PDGFRA: variants seen among roughly 807,000 people sequenced by gnomAD.
PDGFRA encodes the protein platelet-derived growth factor receptor alpha.
PDGFRA carries 25 observed loss-of-function variants against 121.5 expected under a neutral mutation model. The ratio of observed to expected loss-of-function variants is 0.21; its 90% confidence interval spans 0.15 to 0.29. The LOEUF is 0.29. PDGFRA is among the 10% of genes least tolerant of loss of function. The pLI is 1.00. For missense variants in PDGFRA, 1,008 were observed against 1,345.1 expected (o/e 0.75, Z 3.92); for synonymous variants, 463 against 494.8 (o/e 0.94, Z 0.85).
At chr4:54,269,164 G>C (rs142826312) in intron 7 of PDGFRA, among the ~76,000 whole-genome samples, 2 of 152,162 alleles carry the variant, frequency 1.3e-5, no homozygotes, top group East Asian at 3.9e-4. Flanking sequence ...GTGCCCCAGG[G>C]TACTCTCTTA....
At chr4:54,280,702 CTTTAAA>C in intron 16 of PDGFRA, 7 of 401,726 alleles carry the variant, frequency 1.7e-5, no homozygotes, top group Non-Finnish European at 3.1e-5. Context: ...ATTTTTTAAA[CTTTAAA>C]TTTAATAGTT....
At chr4:54,272,302 G>A (rs956265981) in intron 8 of PDGFRA, 92 bp from the exon 9 acceptor site, 14 of 1,400,122 alleles carry the variant, frequency 1.0e-5, no homozygotes, top group Non-Finnish European at 1.3e-5. Flanking sequence ...TGAATGCCAT[G>A]TAGATGAGTT....
Position 54,263,798 on chromosome 4 carries a change from G to A in PDGFRA, c.499G>A (p.Val167Met), listed in dbSNP as rs587778602. 5.3e-5 allele frequency: 86 copies of A among 1,614,058 alleles called. No individual in the cohort carries two copies. In the Admixed American group the frequency reaches 6.0e-4, roughly 11 times the overall value. ...TGTAACCTTACACAACAGTGAGGGG[G>A]TGGTACCTGCCTCCTACGACAGCAG... The part of the protein sequence containing the change: ...TPVTLHNSEG[V>M]VPASYDSRQG... Residue 167 changes from valine to methionine, a missense_variant, in exon 4 of 23, where the codon GTG becomes ATG. Physicochemically the swap from Val to Met is conservative, Grantham distance 21 (BLOSUM62 1). Around this residue, in one of 5 missense-constraint regions of PDGFRA, gnomAD observed 575 missense variants for 701.8 expected, o/e 0.82. Coordinates refer to ENST00000257290, the MANE Select transcript of PDGFRA (RefSeq NM_006206.6).
At chr4:54,249,691 C>T (rs972479254) in intron 1 of PDGFRA, among the ~76,000 whole-genome samples, 37 of 151,940 alleles carry the variant, frequency 2.4e-4, no homozygotes, top group Admixed American at 6.6e-4. Context: ...TGCTAAATGA[C>T]GAGTTAATGG....
intron 1 of PDGFRA, among the ~76,000 whole-genome samples, chr4:54,234,822 C>A (rs1409419252): frequency 6.6e-6 from 1 of 152,140 alleles, no homozygotes; most frequent in Non-Finnish European, 1.5e-5. Context: ...CATTAGGAGT[C>A]ACACCCGTTT....
intron 1 of PDGFRA, among the ~76,000 whole-genome samples, chr4:54,252,393 A>C (rs1392876816): frequency 6.6e-6 from 1 of 152,120 alleles, no homozygotes; most frequent in Non-Finnish European, 1.5e-5. Flanking sequence ...AACACTTATT[A>C]ATCTTCCAGA....
chr4:54,235,460 C>T (rs1249675831), intron 1 of PDGFRA, among the ~76,000 whole-genome samples: 1 of 152,258 alleles, frequency 6.6e-6, no homozygotes, highest in African/African-American at 2.4e-5. Context: ...AGAGTCATGT[C>T]CAATGGCTCT....
chr4:54,257,343 G>C (rs1405103256), intron 1 of PDGFRA, among the ~76,000 whole-genome samples: 1 of 152,212 alleles, frequency 6.6e-6, no homozygotes, highest in East Asian at 1.9e-4. Flanking sequence ...ATAACCATAA[G>C]TATACTCAGT....
At chr4:54,231,436 C>A (rs756047173) in intron 1 of PDGFRA, among the ~76,000 whole-genome samples, 3 of 152,264 alleles carry the variant, frequency 2.0e-5, no homozygotes, top group African/African-American at 7.2e-5. Flanking sequence ...CAGTGCATCT[C>A]ACCGGACAAA....
intron 22 of PDGFRA, among the ~76,000 whole-genome samples, 159 bp from the exon 23 acceptor site, chr4:54,294,966 C>T (rs745558379): frequency 7.2e-5 from 11 of 152,206 alleles, no homozygotes; most frequent in Non-Finnish European, 1.5e-4. Flanking sequence ...TGGTTTTCCA[C>T]GTGGCCTACC....
chr4:54,238,120 T>C (rs1397556395), intron 1 of PDGFRA, among the ~76,000 whole-genome samples: 1 of 152,238 alleles, frequency 6.6e-6, no homozygotes, highest in Non-Finnish European at 1.5e-5. Context: ...CTTACTTTGT[T>C]TTCTACATAC....
chr4:54,248,908 G>C (rs1721870773), intron 1 of PDGFRA, among the ~76,000 whole-genome samples: 1 of 152,028 alleles, frequency 6.6e-6, no homozygotes, highest in Non-Finnish European at 1.5e-5. Flanking sequence ...GTGGGCAAAG[G>C]ACATGAACAG....
chr4:54,247,472 A>G (rs1363484899), intron 1 of PDGFRA, among the ~76,000 whole-genome samples: 3 of 152,162 alleles, frequency 2.0e-5, no homozygotes, highest in Non-Finnish European at 4.4e-5. Context: ...CAAAAACCAC[A>G]TGATTATCTC....
At position 54,247,413 on chromosome 4, in the gene PDGFRA, A is replaced by G. The variant is rs193300027; in HGVS notation, c.-12-11344A>G. On this transcript the variant is annotated intron_variant, in intron 1 of 22. Transcript: ENST00000257290. The stretch of plus-strand genomic sequence containing the variant: ...ATGCCTGGGATGCAAGGCTGGTTCA[A>G]TATACCCAAATCAATAAATGTAATC... Among the ~76,000 whole-genome samples, 387 of 152,344 alleles carry G rather than the reference A, an allele frequency of 2.5e-3. 1 individual carries two copies. The highest frequency in any genetic ancestry group is 6.8e-3 in the Middle Eastern group (2 of 294).
At chr4:54,237,791 G>A (rs2110180689) in intron 1 of PDGFRA, among the ~76,000 whole-genome samples, 1 of 152,298 alleles carries the variant, frequency 6.6e-6, no homozygotes, top group Non-Finnish European at 1.5e-5. Context: ...GGAGGAAAAT[G>A]GAAGGAGGAG....
At chr4:54,275,174 A>G (rs1560481021) in intron 12 of PDGFRA, among the ~76,000 whole-genome samples, 1 of 152,220 alleles carries the variant, frequency 6.6e-6, no homozygotes, top group Non-Finnish European at 1.5e-5. Context: ...TCTTTCCATA[A>G]CAAATTATAG....
rs373455487 is a variant in PDGFRA at position 54,285,876 on chromosome 4, C to T, written c.2475C>T (p.Leu825=). Residue 825 remains leucine, a synonymous_variant, in exon 18 of 23, where the codon CTC becomes CTT. Coordinates refer to ENST00000257290, the MANE Select transcript of PDGFRA (RefSeq NM_006206.6). ...GTGATCTGGCTGCTCGCAACGTCCT[C>T]CTGGCACAAGGAAAAATTGTGAAGA... ...VHRDLAARNV[L]LAQGKIVKIC... 1 of 1,614,072 alleles carries T rather than the reference C, an allele frequency of 6.2e-7. No individual in the cohort carries two copies. The highest frequency in any genetic ancestry group is 8.5e-7 in the Non-Finnish European group (1 of 1,179,942).
At chr4:54,292,920 C>G (rs1724700492) in intron 22 of PDGFRA, among the ~76,000 whole-genome samples, 1 of 152,098 alleles carries the variant, frequency 6.6e-6, no homozygotes, top group African/African-American at 2.4e-5. Context: ...GAAAAAATAC[C>G]TATCGGATAC....
At chr4:54,244,369 A>T (rs1721494826) in intron 1 of PDGFRA, among the ~76,000 whole-genome samples, 1 of 152,182 alleles carries the variant, frequency 6.6e-6, no homozygotes, top group Non-Finnish European at 1.5e-5. Context: ...CTGAGACAAA[A>T]CTTCCAGAGG....
Sources: allele counts gnomAD v4.1 joint callset (sites outside exome capture counted in the v4.1 genomes callset), GRCh38; gene constraint gnomAD v4.1.1; regional missense constraint gnomAD v4.1.1; transcripts MANE v1.5; gene names NCBI Gene and HGNC (gene_info 2026-07-23, HGNC 2026-07-21).